Variants in RALGPS1 observed in about 807,000 individuals in gnomAD.
The protein encoded by RALGPS1 is ras-specific guanine nucleotide-releasing factor RalGPS1.
A neutral mutation model predicts 78.8 loss-of-function variants in RALGPS1; 19 were observed. That is an observed-to-expected ratio of 0.24 (90% CI 0.17 to 0.35). The LOEUF is 0.35. RALGPS1 is among the 10% of genes least tolerant of loss of function. The pLI is 1.00. For synonymous variants in RALGPS1, 228 were observed against 256.3 expected, an observed-to-expected ratio of 0.89 and a Z score of 1.06; for missense variants, 454 against 688.3, an observed-to-expected ratio of 0.66 and a Z score of 3.81.
chr9:127,129,149 C>T (rs1362580277), intron 8 of RALGPS1, among the ~76,000 whole-genome samples: 1 of 152,088 alleles, frequency 6.6e-6, no homozygotes, highest in Non-Finnish European at 1.5e-5. Context: ...CATTTTGTTT[C>T]GTAACAGTAT....
chr9:127,018,966 T>A (rs866323465), intron 4 of RALGPS1, among the ~76,000 whole-genome samples: 3 of 152,238 alleles, frequency 2.0e-5, no homozygotes, highest in Non-Finnish European at 2.9e-5. Context: ...AGTACATGAC[T>A]ATATTGAGTT....
rs143219617 is a variant in RALGPS1, at chr9:126,986,084, G to T, written c.216+8339G>T. Among the ~76,000 whole-genome samples, 1,003 of 152,332 alleles carry T rather than the reference G, an allele frequency of 6.6e-3. 13 individuals are homozygous for T. Among genetic ancestry groups the T allele is most frequent in the African/African-American group, 0.023 (960 of 41,580 alleles). ...TTGAAGATTCACATTTCCAAATGCA[G>T]TTGATAACTGAGGGTGGAGCTGTGG... is the stretch of plus-strand genomic sequence containing the variant. On this transcript the variant is annotated intron_variant, in intron 4 of 18. Transcript: ENST00000259351.
intron 4 of RALGPS1, among the ~76,000 whole-genome samples, chr9:126,994,721 A>T (rs1216036410): frequency 2.6e-5 from 4 of 152,070 alleles, no homozygotes; most frequent in African/African-American, 9.7e-5. Flanking sequence ...TCCAAGACAC[A>T]TAATTGTCAG....
intron 8 of RALGPS1, among the ~76,000 whole-genome samples, chr9:127,106,644 A>G (rs943541529): frequency 4.6e-5 from 7 of 152,152 alleles, no homozygotes; most frequent in African/African-American, 1.7e-4. Flanking sequence ...GCCTGCTCTC[A>G]ATCCTGCACC....
At chr9:126,936,339 A>G (rs2036257451) in intron 1 of RALGPS1, among the ~76,000 whole-genome samples, 1 of 152,214 alleles carries the variant, frequency 6.6e-6, no homozygotes, top group Non-Finnish European at 1.5e-5. Flanking sequence ...TAAGAACTTT[A>G]TAAGGAGAGA....
intron 5 of RALGPS1, among the ~76,000 whole-genome samples, chr9:127,046,425 G>C (rs747779798): frequency 2.0e-5 from 3 of 151,984 alleles, no homozygotes; most frequent in Non-Finnish European, 2.9e-5. Context: ...CTATATTTCT[G>C]TATTTTTGTA....
At chr9:127,071,686 A>G (rs1364066014) in intron 8 of RALGPS1, among the ~76,000 whole-genome samples, 4 of 152,134 alleles carry the variant, frequency 2.6e-5, no homozygotes, top group Non-Finnish European at 5.9e-5. Flanking sequence ...TTGGTGTGTA[A>G]TAGTCTCAGT....
intron 14 of RALGPS1, among the ~76,000 whole-genome samples, chr9:127,201,158 A>G (rs1449595483): frequency 6.6e-6 from 1 of 152,248 alleles, no homozygotes; most frequent in African/African-American, 2.4e-5. Flanking sequence ...ACAGCATTTC[A>G]TAGCATTTAG....
intron 13 of RALGPS1, among the ~76,000 whole-genome samples, chr9:127,197,603 G>T (rs970998997): frequency 6.6e-6 from 1 of 152,134 alleles, no homozygotes; most frequent in African/African-American, 2.4e-5. Context: ...TCAGTCCAGG[G>T]GTCGCTGTCT....
intron 8 of RALGPS1, among the ~76,000 whole-genome samples, chr9:127,075,386 G>C (rs907358576): frequency 6.6e-6 from 1 of 152,206 alleles, no homozygotes; most frequent in South Asian, 2.1e-4. Flanking sequence ...ATGGGGTGCC[G>C]TAGTTTGCTT....
intron 8 of RALGPS1, among the ~76,000 whole-genome samples, chr9:127,160,214 G>A (rs1194058023): frequency 1.3e-5 from 2 of 152,208 alleles, no homozygotes; most frequent in Admixed American, 1.3e-4. Context: ...GAGTATGGGT[G>A]TCCCTCAGCT....
chr9:127,061,363 G>C (rs191063998), intron 7 of RALGPS1, among the ~76,000 whole-genome samples: 1 of 152,344 alleles, frequency 6.6e-6, no homozygotes, highest in African/African-American at 2.4e-5. Context: ...TCGATTTGCT[G>C]TTCATGCTTA....
intron 8 of RALGPS1, among the ~76,000 whole-genome samples, chr9:127,110,992 A>G (rs867468180): frequency 1.3e-5 from 2 of 151,980 alleles, no homozygotes; most frequent in East Asian, 1.9e-4. Context: ...CTTCTATTCA[A>G]AACCCCCCAG....
At chr9:127,038,230 T>C (rs2047018503) in intron 5 of RALGPS1, among the ~76,000 whole-genome samples, 1 of 152,246 alleles carries the variant, frequency 6.6e-6, no homozygotes, top group Non-Finnish European at 1.5e-5. Flanking sequence ...GCTGAACTTA[T>C]TGAATCAGAT....
chr9:127,034,370 C>G lies in RALGPS1; in HGVS notation c.217-61C>G, dbSNP rs1589131356. 8 of 1,429,066 alleles carry G rather than the reference C, an allele frequency of 5.6e-6. No individual in the cohort carries two copies. The East Asian group carries it at 1.8e-4, about 33-fold the overall frequency. The allele number at this position is 1,429,066 out of a possible 1,614,324, so 88.5% of individuals were successfully genotyped here. On this transcript the variant is annotated intron_variant, in intron 4 of 18. Transcript: ENST00000259351. ...TGCATGCTCATGTTCCCATTTAATGCCCCTGGTGTATTTTGCATCCCAACT... is the reference window on the plus strand; with the variant it reads ...TGCATGCTCATGTTCCCATTTAATGGCCCTGGTGTATTTTGCATCCCAACT...
chr9:127,047,715 GA>G (rs928545391), intron 5 of RALGPS1, among the ~76,000 whole-genome samples: 16 of 150,626 alleles, frequency 1.1e-4, no homozygotes, highest in African/African-American at 3.9e-4. Flanking sequence ...AAAAAAAAAG[GA>G]AAAAAAGACT....
chr9:127,070,376 A>G (rs967690448), intron 8 of RALGPS1, among the ~76,000 whole-genome samples: 1 of 152,212 alleles, frequency 6.6e-6, no homozygotes, highest in Admixed American at 6.5e-5. Context: ...GAACGTCCTT[A>G]TTGCAAAAAC....
chr9:126,973,587 C>A (rs565512581), intron 3 of RALGPS1, among the ~76,000 whole-genome samples: 1 of 152,108 alleles, frequency 6.6e-6, no homozygotes, highest in Non-Finnish European at 1.5e-5. Flanking sequence ...CTCTTTTATT[C>A]GTTTTGATTG....
intron 8 of RALGPS1, among the ~76,000 whole-genome samples, chr9:127,157,035 T>A (rs915170392): frequency 2.0e-5 from 3 of 152,100 alleles, no homozygotes; most frequent in Non-Finnish European, 4.4e-5. Context: ...TTTCTGTATC[T>A]CTATGTATGT....
Sources: gnomAD v4.1 joint callset for allele counts (sites outside exome capture counted in the v4.1 genomes callset) on GRCh38, gnomAD v4.1.1 for gene constraint, MANE v1.5 for transcripts, NCBI Gene and HGNC (gene_info 2026-07-23, HGNC 2026-07-21) for gene names.